The following TAB3 variants were observed in gnomAD, a reference collection of about 807,000 sequenced individuals.
TAB3 encodes TGF-beta-activated kinase 1 and MAP3K7-binding protein 3.
TAB3 carries 18 observed loss-of-function variants against 48.1 expected under a neutral mutation model. The ratio of observed to expected loss-of-function variants is 0.37; its 90% CI spans 0.26 to 0.55. The LOEUF is 0.55. Ranked by LOEUF, TAB3 falls within the 20% of genes least tolerant of loss-of-function variation. The pLI, the probability that TAB3 is intolerant of heterozygous loss-of-function variation, is 0.78. For missense variants in TAB3, 414 were observed against 549.8 expected, an observed-to-expected ratio of 0.75 and a Z score of 2.47; for synonymous variants, 185 against 190.2, an observed-to-expected ratio of 0.97 and a Z score of 0.22.
chrX:30,834,223 A>G, intron 9 of TAB3, 71 bp from the exon 10 acceptor site: 1 of 954,486 alleles, frequency 1.0e-6, no homozygotes, highest in South Asian at 2.1e-5. Context: ...CAGGCTCACA[A>G]GATCTTTCAA....
At chrX:30,832,166 A>C (rs6631190) in intron 10 of TAB3, among the ~76,000 whole-genome samples, 55,390 of 111,293 alleles carry the variant, frequency 0.5, 10,786 homozygotes, top group Middle Eastern at 0.64. Context: ...AAATTCATTC[A>C]GTATAAAAGA....
intron 8 of TAB3, chrX:30,844,744 T>G (rs1248840513): frequency 2.7e-5 from 3 of 112,593 alleles, no homozygotes; most frequent in Non-Finnish European, 5.6e-5. Context: ...ATTGCTCAAT[T>G]CTCACATTCA....
intron 10 of TAB3, among the ~76,000 whole-genome samples, chrX:30,832,767 G>C (rs1938062826): frequency 9.0e-6 from 1 of 111,306 alleles, no homozygotes; most frequent in Non-Finnish European, 1.9e-5. Context: ...GGGTTTTTCA[G>C]CTGCTTCCTA....
At position 30,843,030 on chromosome X, in the gene TAB3, G is replaced by T; in HGVS notation, c.1824C>A (p.Ala608=). ...LQSRGNFDPK[A]MNNFYDNIEP... The stretch of plus-strand genomic sequence containing the variant: ...CTATGTTGTCATAAAAATTATTCAT[G>T]GCTTTTGGATCAAAGTTTCCTATAA... The change falls in exon 9 of 11, where the codon GCC becomes GCA. Residue 608 remains alanine (A), a synonymous_variant. Coordinates refer to ENST00000288422, the MANE Select transcript of TAB3 (RefSeq NM_152787.5). 8.6e-7 allele frequency: 1 copy of T among 1,167,495 alleles called. No individual in the cohort carries two copies. Among genetic ancestry groups the T allele is most frequent in the Non-Finnish European group, 1.2e-6 (1 of 866,539 alleles).
At position 30,854,311 on chromosome X, in the gene TAB3, T is replaced by C. The variant is rs1938978715; in HGVS notation, c.1354A>G (p.Thr452Ala). Residue 452 changes from threonine (T) to alanine (A), a missense_variant, in exon 6 of 11, where the codon ACT becomes GCT. By Grantham distance (58) the Thr-to-Ala change is moderately conservative. Transcript: ENST00000288422. ...CCTACGGTAATTTTAAAAACTGTAG[T>C]TGGGTTTGGTATCACTCGAGGAGAT... ...SPSPRVIPNP[T>A]TVFKITVGRA... 5 of 1,211,097 alleles carry C rather than the reference T, an allele frequency of 4.1e-6. No homozygotes were observed. The highest frequency in any genetic ancestry group is 5.6e-6 in the Non-Finnish European group (5 of 895,269).
intron 1 of TAB3, among the ~76,000 whole-genome samples, chrX:30,872,457 C>A (rs1226498151): frequency 9.0e-6 from 1 of 111,621 alleles, no homozygotes; most frequent in Admixed American, 9.5e-5. Context: ...TTCCCCATGA[C>A]CCAACCCACA....
chrX:30,871,193 A>G (rs189579614), intron 2 of TAB3, among the ~76,000 whole-genome samples: 237 of 112,232 alleles, frequency 2.1e-3, no homozygotes, highest in Non-Finnish European at 3.9e-3. Context: ...ACAAAATTAT[A>G]CCCTTATTTG....
At chrX:30,858,030 T>G (rs763326647) in intron 5 of TAB3, among the ~76,000 whole-genome samples, 25 of 111,846 alleles carry the variant, frequency 2.2e-4, no homozygotes, top group Non-Finnish European at 4.7e-4. Context: ...TTAATGTGAA[T>G]AAAGCAGTTT....
At chrX:30,839,588 T>A (rs1021261486) in intron 9 of TAB3, among the ~76,000 whole-genome samples, 1 of 110,950 alleles carries the variant, frequency 9.0e-6, no homozygotes, top group Admixed American at 9.7e-5. Flanking sequence ...AACTATGGAC[T>A]CTGAGTGATT....
chrX:30,831,125 A>G lies in TAB3; in HGVS notation c.*302T>C. On this transcript the variant is annotated 3_prime_UTR_variant, in exon 11 of 11. Transcript: ENST00000288422. ...GGGCCACTCAGCAGTAACTTTAACA[A>G]TTGGGATTCCACCACAGAAGAGCTC... 4.5e-6 allele frequency: 1 copy of G among 224,218 alleles called. No homozygotes were observed. Among genetic ancestry groups the G allele is most frequent in the Non-Finnish European group, 8.0e-6 (1 of 124,773 alleles). 18.5% of individuals were successfully genotyped at this position (224,218 alleles called of 1,213,427 possible).
chrX:30,887,582 T>C (rs1218625050), intron 1 of TAB3, among the ~76,000 whole-genome samples: 1 of 112,818 alleles, frequency 8.9e-6, no homozygotes, highest in African/African-American at 3.2e-5. Context: ...TTACCAGCTA[T>C]ATAATCTCCT....
chrX:30,866,871 A>T (rs1336171440), intron 4 of TAB3, among the ~76,000 whole-genome samples: 1 of 14,861 alleles, frequency 6.7e-5, no homozygotes, highest in East Asian at 1.3e-3. Flanking sequence ...AGGGGTGTTT[A>T]AAAAAAAAAA....
intron 1 of TAB3, among the ~76,000 whole-genome samples, chrX:30,875,046 C>T (rs981552605): frequency 4.5e-5 from 5 of 111,400 alleles, no homozygotes; most frequent in South Asian, 3.8e-4. Context: ...GGGTGGGAGG[C>T]GGTGAGGATG....
intron 1 of TAB3, among the ~76,000 whole-genome samples, chrX:30,882,515 G>A (rs1293734180): frequency 9.0e-6 from 1 of 111,629 alleles, no homozygotes; most frequent in East Asian, 2.8e-4. Flanking sequence ...CACAGTAATA[G>A]GACTCTCTCC....
chrX:30,839,402 T>C (rs907032514), intron 9 of TAB3, among the ~76,000 whole-genome samples: 4 of 112,326 alleles, frequency 3.6e-5, no homozygotes, highest in African/African-American at 1.3e-4. Context: ...GTCAATGAGA[T>C]AGAAAACAGA....
At chrX:30,872,921 C>G (rs949339809) in intron 1 of TAB3, among the ~76,000 whole-genome samples, 3 of 111,328 alleles carry the variant, frequency 2.7e-5, no homozygotes, top group African/African-American at 9.8e-5. Flanking sequence ...TATTATGAAC[C>G]TAATTAAGCA....
chrX:30,844,159 A>G (rs979208584), intron 8 of TAB3: 5 of 111,205 alleles, frequency 4.5e-5, no homozygotes, highest in Non-Finnish European at 5.7e-5. Flanking sequence ...ACTCAGTATA[A>G]AAAGTTTTCT....
At chrX:30,839,612 A>G (rs1242738578) in intron 9 of TAB3, among the ~76,000 whole-genome samples, 2 of 110,790 alleles carry the variant, frequency 1.8e-5, no homozygotes, top group Admixed American at 9.7e-5. Context: ...AGGTCTCAAT[A>G]TAAGTTCATC....
At chrX:30,860,967 T>C (rs763946366) in intron 4 of TAB3, among the ~76,000 whole-genome samples, 2 of 112,090 alleles carry the variant, frequency 1.8e-5, no homozygotes, top group Non-Finnish European at 3.8e-5. Context: ...AAAATATATG[T>C]ACATGTGTAC....
Sources: gnomAD v4.1 joint callset for allele counts (sites outside exome capture counted in the v4.1 genomes callset) on GRCh38, gnomAD v4.1.1 for gene constraint, MANE v1.5 for transcripts, NCBI Gene and HGNC (gene_info 2026-07-23, HGNC 2026-07-21) for gene names.